Variants in UNC79 observed in about 807,000 individuals in gnomAD.
UNC79 encodes the protein unc-79 subunit of NALCN channel complex.
UNC79 carries 37 observed loss-of-function variants against 283.1 expected under a neutral mutation model. The observed-to-expected ratio is 0.13, with a 90% confidence interval of 0.10 to 0.17. UNC79 has a LOEUF of 0.17. Ranked by LOEUF, UNC79 falls within the 10% of genes least tolerant of loss-of-function variation. UNC79 has a pLI of 1.00. For synonymous variants in UNC79, 1,107 were observed against 1,200.2 expected (o/e 0.92, Z 1.61); for missense variants, 2,272 against 3,211.1 (o/e 0.71, Z 7.07).
At chr14:93,415,867 T>C (rs1286629847) in intron 1 of UNC79, among the ~76,000 whole-genome samples, 3 of 152,086 alleles carry the variant, frequency 2.0e-5, no homozygotes, top group Admixed American at 1.3e-4. Context: ...AGTGGTGATA[T>C]CCCCTTTATC....
chr14:93,440,978 T>C (rs1253429722), intron 1 of UNC79, among the ~76,000 whole-genome samples: 1 of 152,142 alleles, frequency 6.6e-6, no homozygotes, highest in Non-Finnish European at 1.5e-5. Context: ...AGGTCTTTTA[T>C]ACCTTTTATT....
At chr14:93,583,299 C>T (rs2063949728) in intron 20 of UNC79, among the ~76,000 whole-genome samples, 1 of 145,212 alleles carries the variant, frequency 6.9e-6, no homozygotes, top group Non-Finnish European at 1.5e-5. Context: ...GCCTGGGCAA[C>T]AAGAGTGAAA....
intron 7 of UNC79, among the ~76,000 whole-genome samples, chr14:93,515,849 A>T (rs2060028718): frequency 6.6e-6 from 1 of 151,996 alleles, no homozygotes; most frequent in Non-Finnish European, 1.5e-5. Context: ...TTTCAAAGAG[A>T]AGGAGATTTT....
chr14:93,688,916 A>C lies in UNC79; in HGVS notation c.7085+76A>C. 6.7e-7 allele frequency: 1 copy of C among 1,493,148 alleles called. No homozygotes were observed. The highest frequency in any genetic ancestry group is 2.3e-5 in the East Asian group (1 of 43,742). 92.5% of individuals were successfully genotyped at this position (1,493,148 alleles called of 1,614,324 possible). On this transcript the variant is annotated intron_variant, in intron 44 of 48. Transcript: ENST00000555664. This position sits in a 1 kb window ranked among gnomAD's most constrained non-coding sequence, Gnocchi z 4.0. ...CCTGAGTTTCCTCGGGCTCAGCTAG[A>C]GTTAAGGAGTACACCGAAGATTTAT...
chr14:93,566,374 A>G (rs1282835891), intron 14 of UNC79, among the ~76,000 whole-genome samples: 1 of 152,138 alleles, frequency 6.6e-6, no homozygotes, highest in Non-Finnish European at 1.5e-5. Context: ...GTTTTCTAAA[A>G]AGCATTGGTA....
intron 32 of UNC79, among the ~76,000 whole-genome samples, chr14:93,638,196 C>A (rs1185693440): frequency 6.6e-6 from 1 of 152,166 alleles, no homozygotes; most frequent in East Asian, 1.9e-4. Context: ...ATCAAGTAGA[C>A]CTATTTTTCT....
At chr14:93,703,106 C>T (rs1176241955) in intron 47 of UNC79, among the ~76,000 whole-genome samples, 3 of 152,172 alleles carry the variant, frequency 2.0e-5, no homozygotes, top group Non-Finnish European at 4.4e-5. Context: ...TTTTCATGGC[C>T]GTTTTCTAAG....
chr14:93,615,741 A>AAAAAAAAAG (rs2066667756), intron 27 of UNC79, among the ~76,000 whole-genome samples: 1 of 142,804 alleles, frequency 7.0e-6, no homozygotes, highest in African/African-American at 2.9e-5. Context: ...AAAAAAAAAA[A>AAAAAAAAAG]AAAAGAAAAG....
At position 93,455,907 on chromosome 14, in the gene UNC79, A is replaced by G. The variant is rs550239655; in HGVS notation, c.23-11764A>G. Among the ~76,000 whole-genome samples the G allele has an allele frequency of 2.8e-3, 405 of 143,750 alleles. 1 individual carries two copies. Among genetic ancestry groups the G allele is most frequent in the African/African-American group, 0.01 (383 of 37,566 alleles). 94.3% of individuals were successfully genotyped at this position (143,750 alleles called of 152,430 possible). ...TTGTTTTGTTTTTCCCATCAGTACA[A>G]TGGATTGTGTGTGTGTGTGTGTGTG... On this transcript the variant is annotated intron_variant, in intron 1 of 48. Coordinates refer to ENST00000555664, the Ensembl canonical transcript of UNC79.
rs910994968 is a variant in UNC79 at position 93,637,112 on chromosome 14, G to C, written c.5717-104G>C. ...TAAATGTTAATAATACATAGTAACA[G>C]TGACCAAAAAATTGGCCCCCAGAGA... On this transcript the variant is annotated intron_variant, in intron 31 of 48. Coordinates refer to ENST00000555664, the Ensembl canonical transcript of UNC79. 6 of 753,612 alleles carry C rather than the reference G, an allele frequency of 8.0e-6. No individual in the cohort carries two copies. The African/African-American group carries it at 1.0e-4, about 13-fold the overall frequency. The allele number at this position is 753,612 out of a possible 1,614,324, so 46.7% of individuals were successfully genotyped here. A position where few individuals can be genotyped will look rare whatever the true frequency, so the allele number is the denominator to read the frequency against.
chr14:93,639,462 G>A (rs1285528476), intron 32 of UNC79, among the ~76,000 whole-genome samples: 1 of 152,140 alleles, frequency 6.6e-6, no homozygotes, highest in African/African-American at 2.4e-5. Context: ...ATTAATCAGT[G>A]TACATTTATG....
At chr14:93,554,239 T>C (rs2062040094) in intron 14 of UNC79, among the ~76,000 whole-genome samples, 1 of 151,756 alleles carries the variant, frequency 6.6e-6, no homozygotes, top group African/African-American at 2.4e-5. Context: ...TCCCAGCTAC[T>C]CGGGAGGCTG....
intron 7 of UNC79, among the ~76,000 whole-genome samples, chr14:93,521,058 T>G (rs1226353175): frequency 1.3e-5 from 2 of 152,058 alleles, no homozygotes; most frequent in Non-Finnish European, 2.9e-5. Context: ...ATCAAGCTAC[T>G]TGTGGATTAG....
intron 1 of UNC79, among the ~76,000 whole-genome samples, chr14:93,342,138 G>A (rs947858043): frequency 1.3e-5 from 2 of 152,224 alleles, no homozygotes; most frequent in Non-Finnish European, 2.9e-5. Context: ...CATTGCCATA[G>A]TAGAGATTCT....
intron 1 of UNC79, among the ~76,000 whole-genome samples, chr14:93,335,664 A>T (rs1023858783): frequency 2.4e-4 from 37 of 152,206 alleles, no homozygotes; most frequent in Non-Finnish European, 4.4e-4. Context: ...ATGACTCGAA[A>T]GGACATGTAA....
intron 5 of UNC79, among the ~76,000 whole-genome samples, chr14:93,488,126 C>T (rs2058538657): frequency 6.6e-6 from 1 of 152,156 alleles, no homozygotes; most frequent in South Asian, 2.1e-4. Context: ...AAACATAAAC[C>T]TTTCACTATA....
Position 93,522,842 on chromosome 14 carries a change from T to TC in UNC79, c.899-1132dup. On this transcript the variant is annotated intron_variant, in intron 7 of 48. Transcript: ENST00000555664. ...GTTCTGGTAACTATATTTCCGTGAATCCCCAACTAGACACATAATCTTATA... is the reference window on the plus strand; with the variant it reads ...GTTCTGGTAACTATATTTCCGTGAATCCCCCAACTAGACACATAATCTTATA... Among the ~76,000 whole-genome samples the TC allele has an allele frequency of 3.9e-5, 6 of 152,176 alleles. 1 individual carries two copies. The highest frequency in any genetic ancestry group is 3.9e-4 in the Admixed American group (6 of 15,262).
At chr14:93,487,704 C>T in exon 5 of UNC79, 2 of 1,614,008 alleles carry the variant, frequency 1.2e-6, no homozygotes, top group Non-Finnish European at 1.7e-6. Flanking sequence ...CCATGTTAAC[C>T]TCTCTGCATC....
At chr14:93,639,779 C>T (rs541690297) in intron 32 of UNC79, among the ~76,000 whole-genome samples, 3 of 152,106 alleles carry the variant, frequency 2.0e-5, no homozygotes, top group Admixed American at 1.3e-4. Context: ...TTTTTTCTTC[C>T]GAAAATTCAG....
Sources: gnomAD v4.1 joint callset for allele counts (sites outside exome capture counted in the v4.1 genomes callset) on GRCh38, gnomAD v4.1.1 for gene constraint, Gnocchi (gnomAD v3.1) non-coding constraint, MANE v1.5 for transcripts, NCBI Gene and HGNC (gene_info 2026-07-23, HGNC 2026-07-21) for gene names.